Variants in CENPW observed in about 807,000 individuals in gnomAD.
The protein encoded by CENPW is centromere protein W.
CENPW carries 3 observed loss-of-function variants against 11.1 expected under a neutral mutation model. That is an observed-to-expected ratio of 0.27 (90% confidence interval 0.12 to 0.70). CENPW has a LOEUF of 0.70. CENPW is among the 30% of genes least tolerant of loss of function. CENPW has a pLI of 0.77. For synonymous variants in CENPW, 38 were observed against 42.0 expected (o/e 0.91, Z 0.37); for missense variants, 100 against 105.6 (o/e 0.95, Z 0.23).
the CENPW span, among the ~76,000 whole-genome samples, chr6:126,390,887 G>A: frequency 6.6e-6 from 1 of 151,882 alleles, no homozygotes; most frequent in African/African-American, 2.4e-5. Flanking sequence ...TGGACACTTA[G>A]GTTGCTTCCA....
At chr6:126,375,551 T>G in the CENPW span, among the ~76,000 whole-genome samples, 1 of 152,054 alleles carries the variant, frequency 6.6e-6, no homozygotes, top group African/African-American at 2.4e-5. Flanking sequence ...CTCTCACCCT[T>G]TTGTCTTTCC....
the CENPW span, among the ~76,000 whole-genome samples, chr6:126,417,409 G>A: frequency 1.3e-5 from 2 of 152,214 alleles, no homozygotes; most frequent in African/African-American, 2.4e-5. Flanking sequence ...CTGTTGGGAA[G>A]ACATAATTGG....
chr6:126,412,085 CT>C, the CENPW span, among the ~76,000 whole-genome samples: 1 of 126,464 alleles, frequency 7.9e-6, no homozygotes, highest in Non-Finnish European at 1.7e-5. Context: ...CTCTCTCTCT[CT>C]CTCCTTCCTT....
chr6:126,424,628 G>T, the CENPW span, among the ~76,000 whole-genome samples: 1 of 152,088 alleles, frequency 6.6e-6, no homozygotes, highest in Non-Finnish European at 1.5e-5. Flanking sequence ...GATCAATCCA[G>T]ATCTGTACCA....
chr6:126,476,469 A>T, the CENPW span, among the ~76,000 whole-genome samples: 1 of 151,954 alleles, frequency 6.6e-6, no homozygotes, highest in African/African-American at 2.4e-5. Flanking sequence ...TCATCTGAAG[A>T]TAATACTTTA....
chr6:126,377,747 GTC>G, the CENPW span, among the ~76,000 whole-genome samples: 62 of 152,298 alleles, frequency 4.1e-4, no homozygotes, highest in Non-Finnish European at 7.9e-4. Context: ...ATATCACAAA[GTC>G]TCTTCCAAAG....
the CENPW span, among the ~76,000 whole-genome samples, chr6:126,407,534 A>G: frequency 1.3e-5 from 2 of 152,102 alleles, no homozygotes; most frequent in Non-Finnish European, 2.9e-5. Flanking sequence ...GGTTGAATTA[A>G]TTTTCATACT....
At chr6:126,451,285 A>T in the CENPW span, among the ~76,000 whole-genome samples, 2 of 150,902 alleles carry the variant, frequency 1.3e-5, no homozygotes, top group Non-Finnish European at 3.0e-5. Flanking sequence ...AAAATAATTG[A>T]GTACTCAGAA....
At chr6:126,457,311 T>C in the CENPW span, among the ~76,000 whole-genome samples, 1 of 151,432 alleles carries the variant, frequency 6.6e-6, no homozygotes, top group Non-Finnish European at 1.5e-5. Context: ...AGAATTGACC[T>C]TAATGCCCAC....
chr6:126,348,685 A>T lies in CENPW; in HGVS notation c.*193A>T, dbSNP rs1780454980. The T allele has an allele frequency of 2.6e-6, 1 of 384,094 alleles. No individual in the cohort carries two copies. The highest frequency in any genetic ancestry group is 4.7e-6 in the Non-Finnish European group (1 of 213,096). The allele number at this position is 384,094 out of a possible 1,614,324, so 23.8% of individuals were successfully genotyped here. On this transcript the variant is annotated 3_prime_UTR_variant, in exon 3 of 3. Coordinates refer to ENST00000368328, the MANE Select transcript of CENPW (RefSeq NM_001012507.4). ...AGGACTATTTAACCCTTTTATGGGA[A>T]TTACTATTATTTTTATTTTAAATGT...
At chr6:126,373,191 A>T in the CENPW span, among the ~76,000 whole-genome samples, 1 of 152,222 alleles carries the variant, frequency 6.6e-6, no homozygotes, top group African/African-American at 2.4e-5. Context: ...AACCTAAAGA[A>T]ATTAGATGAA....
chr6:126,426,681 T>C, the CENPW span, among the ~76,000 whole-genome samples: 45 of 152,222 alleles, frequency 3.0e-4, no homozygotes, highest in East Asian at 3.9e-3. Flanking sequence ...AAGGATAAAA[T>C]GAACCTCTAC....
At position 126,348,555 on chromosome 6, in the gene CENPW, G is replaced by T; in HGVS notation, c.*63G>T. The T allele has an allele frequency of 2.0e-6, 2 of 990,014 alleles. No homozygotes were observed. The highest frequency in any genetic ancestry group is 1.4e-5 in the South Asian group (1 of 72,566). The allele number at this position is 990,014 out of a possible 1,614,324, so 61.3% of individuals were successfully genotyped here. ...CTTTTGGGTGGTAACAGATCATAAA[G>T]ACATTTTTTACACATCAGTTAATAT... On this transcript the variant is annotated 3_prime_UTR_variant, in exon 3 of 3. Coordinates refer to ENST00000368328, the MANE Select transcript of CENPW (RefSeq NM_001012507.4).
the CENPW span, among the ~76,000 whole-genome samples, chr6:126,368,521 C>CT: frequency 0.45 from 65,657 of 145,766 alleles, 16,252 homozygotes; most frequent in East Asian, 0.97. Context: ...TGTATTAGGA[C>CT]TTTTTTTTTT....
At chr6:126,414,084 A>C in the CENPW span, among the ~76,000 whole-genome samples, 1 of 152,078 alleles carries the variant, frequency 6.6e-6, no homozygotes, top group Non-Finnish European at 1.5e-5. Context: ...AGATCATTAT[A>C]TAATAATTAA....
the CENPW span, among the ~76,000 whole-genome samples, chr6:126,361,338 C>T: frequency 3.9e-5 from 6 of 152,000 alleles, no homozygotes; most frequent in South Asian, 2.1e-4. Context: ...GTCTTGCTCT[C>T]GCCCAGGATG....
chr6:126,436,489 A>T, the CENPW span, among the ~76,000 whole-genome samples: 1 of 151,804 alleles, frequency 6.6e-6, no homozygotes, highest in Non-Finnish European at 1.5e-5. Context: ...TATCATCCAG[A>T]TATGATATTT....
chr6:126,420,777 G>C, the CENPW span, among the ~76,000 whole-genome samples: 3 of 152,254 alleles, frequency 2.0e-5, no homozygotes, highest in South Asian at 6.2e-4. Flanking sequence ...CCTACAAAGG[G>C]AAAGATGCTT....
the CENPW span, among the ~76,000 whole-genome samples, chr6:126,395,191 G>A: frequency 1.3e-4 from 20 of 151,982 alleles, no homozygotes; most frequent in Non-Finnish European, 2.6e-4. Context: ...CTATTTTCTA[G>A]ATTCTGTATG....
Sources: allele counts gnomAD v4.1 joint callset (sites outside exome capture counted in the v4.1 genomes callset), GRCh38; gene constraint gnomAD v4.1.1; transcripts MANE v1.5; gene names NCBI Gene and HGNC (gene_info 2026-07-23, HGNC 2026-07-21).